NXPE2: variants seen among roughly 807,000 people sequenced by gnomAD.
NXPE2 encodes neurexophilin and PC-esterase domain family member 2.
A neutral mutation model predicts 34.4 loss-of-function variants in NXPE2; 34 were observed. The ratio of observed to expected loss-of-function variants is 0.99; its 90% confidence interval spans 0.75 to 1.31. The LOEUF is 1.31. Ranked by LOEUF, NXPE2 falls within the 40% of genes most tolerant of loss-of-function variation. The pLI, the probability that NXPE2 is intolerant of heterozygous loss-of-function variation, is 0.00. For synonymous variants in NXPE2, 235 were observed against 231.3 expected (o/e 1.02, Z -0.15); for missense variants, 649 against 672.5 (o/e 0.97, Z 0.39).
chr11:114,557,245 C>T, the NXPE2 span, among the ~76,000 whole-genome samples: 18 of 152,190 alleles, frequency 1.2e-4, no homozygotes, highest in Admixed American at 1.2e-3. Context: ...TATTCTATTT[C>T]CATTCTCATT....
At chr11:114,629,270 A>C in the NXPE2 span, among the ~76,000 whole-genome samples, 49 of 152,214 alleles carry the variant, frequency 3.2e-4, 1 homozygote, top group South Asian at 1.5e-3. Context: ...AAAAATCCTC[A>C]ATAAAATACT....
the NXPE2 span, among the ~76,000 whole-genome samples, chr11:114,773,437 A>C: frequency 2.0e-5 from 3 of 151,866 alleles, no homozygotes; most frequent in Non-Finnish European, 4.4e-5. Context: ...GATCCTTCTA[A>C]AGAATGACCT....
the NXPE2 span, among the ~76,000 whole-genome samples, chr11:114,663,590 T>TATC: frequency 8.1e-5 from 7 of 86,072 alleles, no homozygotes; most frequent in East Asian, 1.6e-3. Context: ...ATCTATCATC[T>TATC]ATCTATCTAT....
the NXPE2 span, among the ~76,000 whole-genome samples, chr11:114,474,253 T>C: frequency 5.3e-5 from 8 of 152,116 alleles, no homozygotes; most frequent in Non-Finnish European, 1.0e-4. Context: ...TTTGACATCA[T>C]GAGAATGGAT....
At chr11:114,745,084 T>C in the NXPE2 span, among the ~76,000 whole-genome samples, 4 of 152,190 alleles carry the variant, frequency 2.6e-5, no homozygotes, top group African/African-American at 9.7e-5. Context: ...AAAAACATTA[T>C]TATGCCATAG....
At chr11:114,582,822 T>C in the NXPE2 span, 1 of 1,614,122 alleles carries the variant, frequency 6.2e-7, no homozygotes, top group Non-Finnish European at 8.5e-7. Context: ...GGCTGTGCTA[T>C]GTGTGGCGCT....
the NXPE2 span, among the ~76,000 whole-genome samples, chr11:114,609,775 C>T: frequency 0.016 from 2,430 of 149,520 alleles, 35 homozygotes; most frequent in Non-Finnish European, 0.023. Flanking sequence ...TATTGCCTCG[C>T]GGGTAACCAC....
chr11:114,590,709 T>C, the NXPE2 span, among the ~76,000 whole-genome samples: 2 of 152,180 alleles, frequency 1.3e-5, no homozygotes, highest in African/African-American at 4.8e-5. Flanking sequence ...GTGGGCTACC[T>C]GAGTAAGAAA....
At chr11:114,806,530 C>G in the NXPE2 span, among the ~76,000 whole-genome samples, 1 of 152,204 alleles carries the variant, frequency 6.6e-6, no homozygotes, top group South Asian at 2.1e-4. Context: ...AACCAAGGCA[C>G]GAGAGCTACA....
At chr11:114,733,376 A>G in the NXPE2 span, among the ~76,000 whole-genome samples, 1 of 152,178 alleles carries the variant, frequency 6.6e-6, no homozygotes, top group Admixed American at 6.5e-5. Flanking sequence ...TACAGGCGTG[A>G]GCCACCGTGC....
At chr11:114,773,076 C>T in the NXPE2 span, among the ~76,000 whole-genome samples, 1 of 152,148 alleles carries the variant, frequency 6.6e-6, no homozygotes, top group African/African-American at 2.4e-5. Flanking sequence ...GAGATGATCT[C>T]AGTGCACTAA....
chr11:114,775,000 T>G, the NXPE2 span, among the ~76,000 whole-genome samples: 3 of 152,332 alleles, frequency 2.0e-5, no homozygotes, highest in South Asian at 6.2e-4. Context: ...CAGAACTGTA[T>G]GAAATTATAG....
the NXPE2 span, among the ~76,000 whole-genome samples, chr11:114,741,906 C>A: frequency 1.2e-3 from 185 of 152,304 alleles, no homozygotes; most frequent in African/African-American, 4.2e-3. Flanking sequence ...TTGCTGTCTT[C>A]ACTTTTGCAG....
the NXPE2 span, among the ~76,000 whole-genome samples, chr11:114,672,415 CA>C: frequency 2.6e-5 from 4 of 151,216 alleles, no homozygotes; most frequent in Admixed American, 6.6e-5. Flanking sequence ...AAAGGAAGAA[CA>C]GAGAAAAAAA....
chr11:114,529,953 T>C, the NXPE2 span: 1 of 505,968 alleles, frequency 2.0e-6, no homozygotes. Context: ...TGTGAACACA[T>C]AGAAGAACGG....
chr11:114,757,194 G>T, the NXPE2 span, among the ~76,000 whole-genome samples: 2 of 152,008 alleles, frequency 1.3e-5, no homozygotes, highest in Non-Finnish European at 1.5e-5. Flanking sequence ...ATAACATACA[G>T]GAAGCACTCA....
At chr11:114,522,568 TC>T in the NXPE2 span, 1 of 1,353,578 alleles carries the variant, frequency 7.4e-7, no homozygotes, top group Middle Eastern at 2.0e-4. Context: ...AAAAAGAATG[TC>T]CTATCATTTA....
the NXPE2 span, among the ~76,000 whole-genome samples, chr11:114,626,649 G>T: frequency 3.9e-5 from 6 of 152,308 alleles, no homozygotes; most frequent in Admixed American, 1.3e-4. Context: ...TTCCTCACCA[G>T]CAACAGAACA....
At chr11:114,663,684 A>ATCTC in the NXPE2 span, among the ~76,000 whole-genome samples, 1 of 146,076 alleles carries the variant, frequency 6.8e-6, no homozygotes, top group African/African-American at 2.7e-5. Flanking sequence ...CTATTTATCT[A>ATCTC]TCTATCTATC....
Sources: gnomAD v4.1 joint callset for allele counts (sites outside exome capture counted in the v4.1 genomes callset) on GRCh38, gnomAD v4.1.1 for gene constraint, MANE v1.5 for transcripts, NCBI Gene and HGNC (gene_info 2026-07-23, HGNC 2026-07-21) for gene names.